Variants in PDE4D observed in about 807,000 individuals in gnomAD.
PDE4D encodes 3',5'-cyclic-AMP phosphodiesterase 4D.
PDE4D carries 24 observed loss-of-function variants against 87.4 expected under a neutral mutation model. The observed-to-expected ratio is 0.27, with a 90% CI of 0.20 to 0.39. The LOEUF is 0.39. Among genes scored for constraint, PDE4D ranks in the 10% least tolerant of loss-of-function variants. PDE4D has a pLI of 1.00. For synonymous variants in PDE4D, 384 were observed against 383.2 expected, an observed-to-expected ratio of 1.00 and a Z score of -0.02; for missense variants, 714 against 1,041.0, an observed-to-expected ratio of 0.69 and a Z score of 4.32.
At chr5:59,147,867 G>T (rs1489601826) in intron 5 of PDE4D, among the ~76,000 whole-genome samples, 1 of 152,096 alleles carries the variant, frequency 6.6e-6, no homozygotes, top group Non-Finnish European at 1.5e-5. Flanking sequence ...TTTATCATTT[G>T]TAGAGTTTTT....
At chr5:59,544,515 T>A (rs963896688) in intron 1 of PDE4D, among the ~76,000 whole-genome samples, 2 of 152,228 alleles carry the variant, frequency 1.3e-5, no homozygotes, top group African/African-American at 4.8e-5. Flanking sequence ...ATGAGACTGA[T>A]GAGAAACAGT....
intron 1 of PDE4D, among the ~76,000 whole-genome samples, chr5:59,406,878 T>C (rs1424083468): frequency 6.6e-6 from 1 of 152,228 alleles, no homozygotes; most frequent in African/African-American, 2.4e-5. Context: ...TTAAACTCTT[T>C]TTATATCAAC....
At chr5:59,301,553 G>A (rs1003951937) in intron 1 of PDE4D, among the ~76,000 whole-genome samples, 1 of 152,118 alleles carries the variant, frequency 6.6e-6, no homozygotes, top group Non-Finnish European at 1.5e-5. Context: ...AAATCTGTTT[G>A]AAGAAAGAAG....
At chr5:60,000,011 C>G (rs984409739) in intron 2 of PDE4D, among the ~76,000 whole-genome samples, 2 of 151,348 alleles carry the variant, frequency 1.3e-5, no homozygotes, top group African/African-American at 4.9e-5. Context: ...AGAGAGGCCA[C>G]TTAAAATTAT....
intron 1 of PDE4D, among the ~76,000 whole-genome samples, chr5:59,618,301 C>A (rs182018793): frequency 6.6e-6 from 1 of 151,974 alleles, no homozygotes; most frequent in Non-Finnish European, 1.5e-5. Flanking sequence ...GTTACCTTGA[C>A]AGGAATGGAA....
At chr5:59,013,742 C>G (rs534057583) in intron 6 of PDE4D, among the ~76,000 whole-genome samples, 1 of 152,032 alleles carries the variant, frequency 6.6e-6, no homozygotes, top group African/African-American at 2.4e-5. Context: ...AACATTCCTT[C>G]TGAAACTATT....
At chr5:60,068,099 C>G (rs1772305349) in intron 2 of PDE4D, among the ~76,000 whole-genome samples, 1 of 152,190 alleles carries the variant, frequency 6.6e-6, no homozygotes, top group African/African-American at 2.4e-5. Flanking sequence ...AGTGGGATTG[C>G]TGGATCATGT....
chr5:59,165,974 G>C (rs368805065), intron 5 of PDE4D, among the ~76,000 whole-genome samples: 1 of 152,160 alleles, frequency 6.6e-6, no homozygotes, highest in African/African-American at 2.4e-5. Context: ...TTCTAGCACT[G>C]TAAAGATGCA....
chr5:60,356,328 T>G (rs1013221576), intron 1 of PDE4D, among the ~76,000 whole-genome samples: 10 of 152,190 alleles, frequency 6.6e-5, no homozygotes, highest in Admixed American at 3.9e-4. Context: ...AAGATGAAAA[T>G]GTAGCATTTT....
intron 1 of PDE4D, among the ~76,000 whole-genome samples, chr5:59,693,078 A>T (rs944902053): frequency 6.6e-6 from 1 of 152,112 alleles, no homozygotes; most frequent in African/African-American, 2.4e-5. Context: ...TTGCTAATTT[A>T]AAAATTATAA....
intron 1 of PDE4D, among the ~76,000 whole-genome samples, chr5:59,381,449 TTAA>T (rs757576643): frequency 2.0e-5 from 3 of 151,996 alleles, no homozygotes. Context: ...TTTTATATAA[TTAA>T]TAATAATATT....
At chr5:59,633,331 A>G (rs1396599250) in intron 1 of PDE4D, among the ~76,000 whole-genome samples, 2 of 152,248 alleles carry the variant, frequency 1.3e-5, no homozygotes, top group African/African-American at 4.8e-5. Context: ...ATTTTCCAGG[A>G]GAACTTCCCC....
chr5:59,150,820 G>A (rs1191042297), intron 5 of PDE4D, among the ~76,000 whole-genome samples: 1 of 151,950 alleles, frequency 6.6e-6, no homozygotes, highest in Non-Finnish European at 1.5e-5. Context: ...TTGGTGTCAA[G>A]AGAAAAAAAA....
chr5:60,230,977 A>G (rs1296498276), intron 1 of PDE4D, among the ~76,000 whole-genome samples: 2 of 152,088 alleles, frequency 1.3e-5, no homozygotes, highest in African/African-American at 2.4e-5. Context: ...TACTGTTCAC[A>G]TGGAGAATGC....
At chr5:59,152,918 A>G (rs1779658935) in intron 5 of PDE4D, among the ~76,000 whole-genome samples, 1 of 152,176 alleles carries the variant, frequency 6.6e-6, no homozygotes, top group Non-Finnish European at 1.5e-5. Flanking sequence ...AAAGGAAAGC[A>G]CTGTGGAGTT....
At chr5:60,258,074 T>C (rs1749284565) in intron 1 of PDE4D, among the ~76,000 whole-genome samples, 3 of 152,080 alleles carry the variant, frequency 2.0e-5, no homozygotes, top group Middle Eastern at 6.8e-3. Context: ...TTTGCAATAA[T>C]GAACTAACAG....
At chr5:60,049,487 T>C (rs1352864716) in intron 2 of PDE4D, among the ~76,000 whole-genome samples, 1 of 152,178 alleles carries the variant, frequency 6.6e-6, no homozygotes, top group Non-Finnish European at 1.5e-5. Flanking sequence ...TTTTCCCCAT[T>C]TTTGTGGTTT....
intron 2 of PDE4D, among the ~76,000 whole-genome samples, chr5:60,176,689 T>C (rs980535126): frequency 6.6e-6 from 1 of 152,140 alleles, no homozygotes; most frequent in Non-Finnish European, 1.5e-5. Flanking sequence ...CGAAATGTTA[T>C]TTTAAAAGAA....
At chr5:59,643,159 G>C (rs567457386) in intron 1 of PDE4D, among the ~76,000 whole-genome samples, 1 of 152,178 alleles carries the variant, frequency 6.6e-6, no homozygotes, top group Non-Finnish European at 1.5e-5. Context: ...ATGAGATGAC[G>C]CCTATGGTTG....
Sources: gnomAD v4.1 joint callset for allele counts (sites outside exome capture counted in the v4.1 genomes callset) on GRCh38, gnomAD v4.1.1 for gene constraint, MANE v1.5 for transcripts, NCBI Gene and HGNC (gene_info 2026-07-23, HGNC 2026-07-21) for gene names.